The following ABLIM2 variants were observed in gnomAD, a reference collection of about 807,000 sequenced individuals.
The protein encoded by ABLIM2 is actin binding LIM protein family member 2, also known as actin-binding LIM protein 2.
In ABLIM2, 53 loss-of-function variants were observed where a neutral mutation model predicts 97.7. That is an observed-to-expected ratio of 0.54 (90% confidence interval 0.44 to 0.68). The LOEUF (loss-of-function observed/expected upper bound fraction) is 0.68. ABLIM2 is among the 30% of genes least tolerant of loss of function. The pLI is 0.00. For missense variants in ABLIM2, 835 were observed against 867.2 expected, an observed-to-expected ratio of 0.96 and a Z score of 0.47; for synonymous variants, 361 against 345.8, an observed-to-expected ratio of 1.04 and a Z score of -0.49.
rs200114935 is a variant in ABLIM2 at position 7,992,960 on chromosome 4, C to T, written c.1619-33G>A. On this transcript the variant is annotated intron_variant, in intron 16 of 20. Transcript: ENST00000447017. The surrounding 1 kb of genome is among the most constrained non-coding windows in gnomAD (Gnocchi z 5.7). Reference sequence around the variant, plus strand: ...AGACACAGCACAGCTTTGTCACGCGCGCAGACTCGGTGCAGCAATGGGGGT... The same window carrying T: ...AGACACAGCACAGCTTTGTCACGCGTGCAGACTCGGTGCAGCAATGGGGGT... The T allele has an allele frequency of 6.1e-5, 98 of 1,607,916 alleles. 1 individual carries two copies. In the Middle Eastern group the frequency reaches 9.6e-4, roughly 16 times the overall value.
At position 8,113,249 on chromosome 4, in the gene ABLIM2, C is replaced by T. The variant is rs1222289049; in HGVS notation, c.11-6612G>A. 1.3e-5 allele frequency among the ~76,000 whole-genome samples: 2 copies of T among 152,148 alleles called. No homozygotes were observed. The highest frequency in any genetic ancestry group is 4.8e-5 in the African/African-American group (2 of 41,424). On this transcript the variant is annotated intron_variant, in intron 1 of 20. Coordinates refer to ENST00000447017, the MANE Select transcript of ABLIM2 (RefSeq NM_001130083.2). This position sits in a 1 kb window ranked among gnomAD's most constrained non-coding sequence, Gnocchi z 4.5. Reference sequence around the variant, plus strand: ...AGCTGGGACCACAAGTGTGTGCCACCACACCCAGCTAATTTTTGTATTTTT... The same window carrying T: ...AGCTGGGACCACAAGTGTGTGCCACTACACCCAGCTAATTTTTGTATTTTT...
rs1462129340 is a variant in ABLIM2, at chr4:8,087,365, C to T, written c.454+804G>A. Among the ~76,000 whole-genome samples the T allele has an allele frequency of 6.6e-6, 1 of 152,076 alleles. No individual in the cohort carries two copies. Among genetic ancestry groups the T allele is most frequent in the East Asian group, 1.9e-4 (1 of 5,160 alleles). On this transcript the variant is annotated intron_variant, in intron 4 of 20. Coordinates refer to ENST00000447017, the MANE Select transcript of ABLIM2 (RefSeq NM_001130083.2). This position sits in a 1 kb window ranked among gnomAD's most constrained non-coding sequence, Gnocchi z 4.6. Reference sequence around the variant, plus strand: ...TGGCCCCACACCTGCAAACCCCTGACACTTCGGCTGGCATTTGTTTTTTTT... The same window carrying T: ...TGGCCCCACACCTGCAAACCCCTGATACTTCGGCTGGCATTTGTTTTTTTT...
rs767122599 is a variant in ABLIM2 at position 8,054,151 on chromosome 4, G to A, written c.822+37C>T. On this transcript the variant is annotated intron_variant, in intron 8 of 20. Transcript: ENST00000447017. The surrounding 1 kb of genome is among the most constrained non-coding windows in gnomAD (Gnocchi z 4.9). ...TGTACAAAGATGGTGCAGGAGCAGT[G>A]AAGGGTACATCAGAGACACCAGTGA... 18 of 1,607,452 alleles carry A rather than the reference G, an allele frequency of 1.1e-5. No homozygotes were observed. The highest frequency in any genetic ancestry group is 1.3e-5 in the African/African-American group (1 of 74,814).
At chr4:8,036,906 T>C (rs1784823353) in intron 9 of ABLIM2, among the ~76,000 whole-genome samples, 1 of 151,640 alleles carries the variant, frequency 6.6e-6, no homozygotes, top group Non-Finnish European at 1.5e-5. Context: ...CCCTTACTAT[T>C]CATGTGGGAT....
Position 8,067,500 on chromosome 4 carries a change from C to A in ABLIM2, c.676-6446G>T. The A allele has an allele frequency of 6.6e-6, 1 of 152,408 alleles. No homozygotes were observed. The allele number at this position is 152,408 out of a possible 1,614,324, so 9.4% of individuals were successfully genotyped here. On this transcript the variant is annotated intron_variant, in intron 6 of 20. Coordinates refer to ENST00000447017, the MANE Select transcript of ABLIM2 (RefSeq NM_001130083.2). The surrounding 1 kb of genome is among the most constrained non-coding windows in gnomAD (Gnocchi z 5.4). The stretch of plus-strand genomic sequence containing the variant: ...GCACCCTTTCCAGTGATGGCACAGC[C>A]GCGTGGCCAGGGGCAGCCGGCACCC...
At chr4:8,062,671 C>T (rs1049260139) in intron 6 of ABLIM2, among the ~76,000 whole-genome samples, 7 of 152,072 alleles carry the variant, frequency 4.6e-5, no homozygotes, top group African/African-American at 1.4e-4. Context: ...GATCTCCTGA[C>T]CTCGTGATCC....
chr4:8,142,254 C>T (rs567290014), intron 1 of ABLIM2, among the ~76,000 whole-genome samples: 1 of 152,194 alleles, frequency 6.6e-6, no homozygotes, highest in South Asian at 2.1e-4. Flanking sequence ...ATGGCACTGA[C>T]CCCCACTGCT....
chr4:7,980,402 AT>A (rs2149592650), intron 20 of ABLIM2, among the ~76,000 whole-genome samples: 1 of 152,196 alleles, frequency 6.6e-6, no homozygotes, highest in African/African-American at 2.4e-5. Flanking sequence ...CTAAATATAT[AT>A]TTTTTGGCAT....
rs925146505 is a variant in ABLIM2, at chr4:8,003,129, T to C, written c.1618+4930A>G. On this transcript the variant is annotated intron_variant, in intron 16 of 20. Coordinates refer to ENST00000447017, the MANE Select transcript of ABLIM2 (RefSeq NM_001130083.2). The surrounding 1 kb of genome is among the most constrained non-coding windows in gnomAD (Gnocchi z 4.2). ...CAAGCACTCATGAAATACAGAGAGA[T>C]GCCCCTTGGCTTACCACGGGCTCAT... Among the ~76,000 whole-genome samples, 1 of 152,220 alleles carries C rather than the reference T, an allele frequency of 6.6e-6. No homozygotes were observed. Among genetic ancestry groups the C allele is most frequent in the Non-Finnish European group, 1.5e-5 (1 of 68,042 alleles).
rs1578397346 is a variant in ABLIM2 at position 8,127,588 on chromosome 4, C to T, written c.11-20951G>A. 1 of 1,289,702 alleles carries T rather than the reference C, an allele frequency of 7.8e-7. No individual in the cohort carries two copies. The highest frequency in any genetic ancestry group is 1.0e-6 in the Non-Finnish European group (1 of 988,788). The allele number at this position is 1,289,702 out of a possible 1,614,324, so 79.9% of individuals were successfully genotyped here. On this transcript the variant is annotated intron_variant, in intron 1 of 20. Coordinates refer to ENST00000447017, the MANE Select transcript of ABLIM2 (RefSeq NM_001130083.2). This position sits in a 1 kb window ranked among gnomAD's most constrained non-coding sequence, Gnocchi z 7.3. ...CACCCCCATGGAGCGTGGCTGCTTG[C>T]AAAGGGCCAGCGGGTCGGCGGCTCT...
At chr4:8,091,596 A>G (rs1366152767) in intron 3 of ABLIM2, among the ~76,000 whole-genome samples, 1 of 27,864 alleles carries the variant, frequency 3.6e-5, no homozygotes, top group Non-Finnish European at 5.5e-5. Flanking sequence ...TTATATATAT[A>G]ATTATATATA....
chr4:7,978,881 T>C (rs1735761425), intron 20 of ABLIM2, among the ~76,000 whole-genome samples: 1 of 152,160 alleles, frequency 6.6e-6, no homozygotes, highest in Non-Finnish European at 1.5e-5. Context: ...TGGTCCCATG[T>C]GATGGTAGGC....
chr4:7,968,452 G>C (rs1249321647), intron 20 of ABLIM2, among the ~76,000 whole-genome samples: 1 of 152,256 alleles, frequency 6.6e-6, no homozygotes, highest in East Asian at 1.9e-4. Context: ...TGGACGAATA[G>C]ATACACAGAA....
At chr4:7,972,653 G>T (rs928117125) in intron 20 of ABLIM2, among the ~76,000 whole-genome samples, 1 of 152,154 alleles carries the variant, frequency 6.6e-6, no homozygotes, top group African/African-American at 2.4e-5. Context: ...CTCTGCTGTG[G>T]CGCCACGGGG....
intron 2 of ABLIM2, among the ~76,000 whole-genome samples, chr4:8,104,564 C>T (rs1175097951): frequency 1.3e-5 from 2 of 152,192 alleles, no homozygotes; most frequent in Non-Finnish European, 2.9e-5. Flanking sequence ...GACAGAGTCT[C>T]AGCATCTCTG....
chr4:8,007,345 C>A, intron 16 of ABLIM2: 2 of 985,384 alleles, frequency 2.0e-6, no homozygotes, highest in Non-Finnish European at 2.4e-6. Context: ...GCTCTCACAC[C>A]CCCATCCATC....
chr4:8,064,039 G>A (rs1805264980), intron 6 of ABLIM2, among the ~76,000 whole-genome samples: 1 of 152,210 alleles, frequency 6.6e-6, no homozygotes. Flanking sequence ...AGTTTAGACT[G>A]TGCAGTCCGA....
At chr4:8,115,822 G>T (rs913929285) in intron 1 of ABLIM2, among the ~76,000 whole-genome samples, 2 of 152,222 alleles carry the variant, frequency 1.3e-5, no homozygotes, top group African/African-American at 4.8e-5. Context: ...AAAGACACCA[G>T]GCAGCTTCCA....
chr4:7,984,152 C>A (rs1741376724), intron 18 of ABLIM2, among the ~76,000 whole-genome samples: 1 of 152,226 alleles, frequency 6.6e-6, no homozygotes, highest in African/African-American at 2.4e-5. Flanking sequence ...GGTCCTCAAG[C>A]CAGTCTCGGA....
Sources: allele counts gnomAD v4.1 joint callset (sites outside exome capture counted in the v4.1 genomes callset), GRCh38; gene constraint gnomAD v4.1.1; non-coding constraint Gnocchi (gnomAD v3.1); transcripts MANE v1.5; gene names NCBI Gene and HGNC (gene_info 2026-07-23, HGNC 2026-07-21).